Variants in CASKIN1 observed in about 807,000 individuals in gnomAD.
CASKIN1 encodes CASK interacting protein 1.
Under a neutral mutation model 117.5 loss-of-function variants are expected in CASKIN1, and 42 were observed. The observed-to-expected ratio is 0.36, with a 90% CI of 0.28 to 0.46. The LOEUF is 0.46. Ranked by LOEUF, CASKIN1 falls within the 20% of genes least tolerant of loss-of-function variation. The probability of loss-of-function intolerance (pLI) is 1.00; values close to 1 mark genes in which losing one functional copy is unlikely to be tolerated. For synonymous variants in CASKIN1, 1,148 were observed against 961.7 expected (o/e 1.19, Z -3.59); for missense variants, 2,083 against 2,077.3 (o/e 1.00, Z -0.05).
chr16:2,181,085 G>T lies in CASKIN1; in HGVS notation c.2283C>A (p.Gly761=), dbSNP rs917028847. The T allele has an allele frequency of 3.4e-6, 5 of 1,482,304 alleles. No homozygotes were observed. Among genetic ancestry groups the T allele is most frequent in the Admixed American group, 2.6e-5 (1 of 38,180 alleles). The allele number at this position is 1,482,304 out of a possible 1,614,324, so 91.8% of individuals were successfully genotyped here. A position where few individuals can be genotyped will look rare whatever the true frequency, so the allele number is the denominator to read the frequency against. ...CTGGTGGGAGGACCTGCCGTGGCTT[G>T]CCAGGCACGGGGGGCACGCTGGCCC... is the stretch of plus-strand genomic sequence containing the variant. ...IKRASVPPVP[G]KPRQVLPPGT... is the part of the protein sequence containing the mutation. Residue 761 remains glycine (G), a synonymous_variant, in exon 18 of 20, where the codon GGC becomes GGA. Coordinates refer to ENST00000343516, the MANE Select transcript of CASKIN1 (RefSeq NM_020764.4).
intron 6 of CASKIN1, among the ~76,000 whole-genome samples, chr16:2,188,047 C>CTT (rs34355622): frequency 1.2e-3 from 165 of 135,890 alleles, no homozygotes; most frequent in East Asian, 1.5e-3. Context: ...CCATTCCCAG[C>CTT]TTTTTTTTTT....
chr16:2,191,486 GT>G (rs1466669837), intron 1 of CASKIN1, among the ~76,000 whole-genome samples: 1 of 152,218 alleles, frequency 6.6e-6, no homozygotes, highest in Non-Finnish European at 1.5e-5. Context: ...GGAGCCGGGG[GT>G]GCTAACAGGG....
At chr16:2,178,790 C>G in intron 19 of CASKIN1, 112 bp downstream of exon 19, 1 of 1,199,046 alleles carries the variant, frequency 8.3e-7, no homozygotes, top group Non-Finnish European at 1.0e-6. Flanking sequence ...CACGGCACGC[C>G]CATCTCTGCC....
chr16:2,178,632 T>C lies in CASKIN1; in HGVS notation c.4214A>G (p.Glu1405Gly), dbSNP rs763294179. Residue 1405 changes from glutamate (E) to glycine (G), a missense_variant, in exon 20 of 20, where the codon GAA becomes GGA. Physicochemically the swap from Glu to Gly is moderately conservative, Grantham distance 98 (BLOSUM62 -2). Transcript: ENST00000343516. ...DAQGPRDSAAEKSTGSILDDI... is the reference protein window; with the variant it reads ...DAQGPRDSAAGKSTGSILDDI... ...GTCCAGGATGCTGCCAGTGCTCTTT[T>C]CCGCCGCCGAGTCGCTGCGGGGCGC... 2.5e-6 allele frequency: 4 copies of C among 1,591,226 alleles called. No homozygotes were observed. The highest frequency in any genetic ancestry group is 3.4e-6 in the Non-Finnish European group (4 of 1,174,240).
rs763188254 is a variant in CASKIN1, at chr16:2,180,933, G to C, written c.2435C>G (p.Pro812Arg). The C allele has an allele frequency of 6.8e-7, 1 of 1,461,384 alleles. No homozygotes were observed. The highest frequency in any genetic ancestry group is 2.6e-5 in the East Asian group (1 of 38,658). 90.5% of individuals were successfully genotyped at this position (1,461,384 alleles called of 1,614,324 possible). Residue 812 changes from proline (P) to arginine (R), a missense_variant, in exon 18 of 20, where the codon CCG becomes CGG. By Grantham distance (103) the Pro-to-Arg change is moderately radical (BLOSUM62 -2). This residue lies in a region of CASKIN1 where 1,818 missense variants were observed against 1,688.9 expected (regional missense o/e 1.08). Transcript: ENST00000343516. ...GGGTGACATGGGGCGCTCTGTCGGC[G>C]GCAGCAGCTGCGGGGTGGGCTTCAC... ...AKVKPTPQLL[P>R]PTERPMSPRS...
chr16:2,180,353 C>T lies in CASKIN1; in HGVS notation c.3015G>A (p.Ala1005=), dbSNP rs780644400. 59 of 1,596,616 alleles carry T rather than the reference C, an allele frequency of 3.7e-5. No homozygotes were observed. The highest frequency in any genetic ancestry group is 4.4e-5 in the South Asian group (4 of 90,166). The change falls in exon 18 of 20, where the codon GCG becomes GCA. Residue 1005 remains alanine, a synonymous_variant. Coordinates refer to ENST00000343516, the MANE Select transcript of CASKIN1 (RefSeq NM_020764.4). Reference sequence around the variant, plus strand: ...CAATGGAGGACAGCTCCAGCATGGCCGCGATGCTCTTCACACTGCCGGCAC... The same window carrying T: ...CAATGGAGGACAGCTCCAGCATGGCTGCGATGCTCTTCACACTGCCGGCAC... ...TGSAGSVKSI[A]AMLELSSIGG...
Position 2,181,744 on chromosome 16 carries a change from T to G in CASKIN1, c.1768+47A>C, listed in dbSNP as rs766072390. The G allele has an allele frequency of 3.2e-6, 5 of 1,571,782 alleles. No homozygotes were observed. The South Asian group carries it at 4.5e-5, about 14-fold the overall frequency. On this transcript the variant is annotated intron_variant, in intron 17 of 19. Coordinates refer to ENST00000343516, the MANE Select transcript of CASKIN1 (RefSeq NM_020764.4). Reference sequence around the variant, plus strand: ...GGGCTGGTGGCTGGTGGCTGGGGCTTGGGCTGAGGGTTGGGCTGGGGACGA... The same window carrying G: ...GGGCTGGTGGCTGGTGGCTGGGGCTGGGGCTGAGGGTTGGGCTGGGGACGA...
At position 2,180,096 on chromosome 16, in the gene CASKIN1, A is replaced by G. The variant is rs1316156555; in HGVS notation, c.3272T>C (p.Val1091Ala). ...CCGCTGCCGGCCAGTGCCATCCTCC[A>G]CAAAGGGGCCTGGGTCTGCCGACTC... ...PGESADPGPF[V>A]EDGTGRQRPR... Residue 1091 changes from valine (V) to alanine (A), a missense_variant, in exon 18 of 20, where the codon GTG becomes GCG. By Grantham distance (64) the Val-to-Ala change is moderately conservative. Coordinates refer to ENST00000343516, the MANE Select transcript of CASKIN1 (RefSeq NM_020764.4). 2 of 1,561,798 alleles carry G rather than the reference A, an allele frequency of 1.3e-6. No homozygotes were observed. Among genetic ancestry groups the G allele is most frequent in the African/African-American group, 2.7e-5 (2 of 73,314 alleles).
At chr16:2,181,649 A>C in intron 17 of CASKIN1, 50 bp from the exon 18 acceptor site, 1 of 201,792 alleles carries the variant, frequency 5.0e-6, no homozygotes, top group Non-Finnish European at 7.6e-6. Context: ...GCGGAGGGGC[A>C]GGGGCCGGGC....
In CASKIN1 at chr16:2,180,499, G is replaced by T; in HGVS notation, c.2869C>A (p.Leu957Met). 1 of 1,549,750 alleles carries T rather than the reference G, an allele frequency of 6.5e-7. No individual in the cohort carries two copies. The highest frequency in any genetic ancestry group is 8.7e-7 in the Non-Finnish European group (1 of 1,153,820). ...PPPPKRSSSA[L>M]ASANLADEPV... Reference sequence around the variant, plus strand: ...TCATCCGCCAGGTTGGCACTAGCCAGGGCCGAGCTGGAGCGCTTGGGTGGG... The same window carrying T: ...TCATCCGCCAGGTTGGCACTAGCCATGGCCGAGCTGGAGCGCTTGGGTGGG... Residue 957 changes from leucine to methionine, a missense_variant, in exon 18 of 20, where the codon CTG becomes ATG. Leu to Met is a conservative substitution (Grantham distance 15). Around this residue, in one of 3 missense-constraint regions of CASKIN1, gnomAD observed 1,818 missense variants for 1,688.9 expected, o/e 1.08. Transcript: ENST00000343516.
chr16:2,183,969 G>C (rs1377160614), intron 14 of CASKIN1, 28 bp from the exon 15 acceptor site: 4 of 1,501,454 alleles, frequency 2.7e-6, no homozygotes, highest in Non-Finnish European at 3.6e-6. Context: ...CCCACTGCAG[G>C]CTCGCCTGCC....
Position 2,185,402 on chromosome 16 carries a change from C to G in CASKIN1, c.1055G>C (p.Arg352Pro), listed in dbSNP as rs780369604. 6.2e-7 allele frequency: 1 copy of G among 1,604,678 alleles called. No individual in the cohort carries two copies. Among genetic ancestry groups the G allele is most frequent in the Non-Finnish European group, 8.5e-7 (1 of 1,174,734 alleles). ...GGGCAGGCTTGGTTCAGTGCCTGCT[C>G]GGGAACCTGTGGGTCAAGCAAAGCC... is the stretch of plus-strand genomic sequence containing the variant. Reference protein sequence around the residue: ...GEAIVKRAGSRAGTEPSLPQG... With the variant: ...GEAIVKRAGSPAGTEPSLPQG... The change falls in exon 11 of 20, where the codon CGA becomes CCA. Residue 352 changes from arginine (R) to proline (P), a missense_variant. By Grantham distance (103) the Arg-to-Pro change is moderately radical. Coordinates refer to ENST00000343516, the MANE Select transcript of CASKIN1 (RefSeq NM_020764.4).
intron 1 of CASKIN1, among the ~76,000 whole-genome samples, chr16:2,190,696 T>G (rs2093199180): frequency 6.6e-6 from 1 of 152,076 alleles, no homozygotes; most frequent in African/African-American, 2.4e-5. Context: ...CACCCCTCCC[T>G]CGGGACACTG....
At position 2,180,773 on chromosome 16, in the gene CASKIN1, C is replaced by T; in HGVS notation, c.2595G>A (p.Leu865=). ...PVPTAVPTLC[L]PPEADAEPGR... is the part of the protein sequence containing the mutation. ...CCGGCTCCGCGTCGGCCTCAGGGGGCAGGCACAGTGTGGGCACAGCCGTCG... is the reference window on the plus strand; with the variant it reads ...CCGGCTCCGCGTCGGCCTCAGGGGGTAGGCACAGTGTGGGCACAGCCGTCG... The change falls in exon 18 of 20, where the codon CTG becomes CTA. Residue 865 remains leucine (L), a synonymous_variant. Coordinates refer to ENST00000343516, the MANE Select transcript of CASKIN1 (RefSeq NM_020764.4). 1.4e-6 allele frequency: 2 copies of T among 1,430,116 alleles called. No homozygotes were observed. Among genetic ancestry groups the T allele is most frequent in the Non-Finnish European group, 1.8e-6 (2 of 1,100,350 alleles). 88.6% of individuals were successfully genotyped at this position (1,430,116 alleles called of 1,614,324 possible). A position where few individuals can be genotyped will look rare whatever the true frequency, so the allele number is the denominator to read the frequency against.
In CASKIN1 at chr16:2,182,483, G is replaced by A. The variant is rs2093171108; in HGVS notation, c.1630-554C>T. Among the ~76,000 whole-genome samples the A allele has an allele frequency of 6.6e-6, 1 of 151,878 alleles. No individual in the cohort carries two copies. The highest frequency in any genetic ancestry group is 2.1e-4 in the South Asian group (1 of 4,784). On this transcript the variant is annotated intron_variant, in intron 16 of 19. Transcript: ENST00000343516. The surrounding 1 kb of genome is among the most constrained non-coding windows in gnomAD (Gnocchi z 4.1). ...CCGATCACTCCCCGAGCGGCATTCA[G>A]GCGTCCACACTTCCAGCTGGAATTC...
At chr16:2,193,778 T>C (rs1169778838) in intron 1 of CASKIN1, among the ~76,000 whole-genome samples, 2 of 152,178 alleles carry the variant, frequency 1.3e-5, no homozygotes, top group Non-Finnish European at 2.9e-5. Context: ...TATGGTCTCC[T>C]CAAGGGGGAA....
chr16:2,178,098 A>G lies in CASKIN1; in HGVS notation c.*452T>C, dbSNP rs527653004. 2.0e-6 allele frequency: 1 copy of G among 503,570 alleles called. No homozygotes were observed. The highest frequency in any genetic ancestry group is 3.8e-6 in the Non-Finnish European group (1 of 260,226). 31.2% of individuals were successfully genotyped at this position (503,570 alleles called of 1,614,324 possible). ...TCTCTGGGGAAATCCGCCTCAGCTCATTCCCAATAAATTAATACTCTTGAT... is the reference window on the plus strand; with the variant it reads ...TCTCTGGGGAAATCCGCCTCAGCTCGTTCCCAATAAATTAATACTCTTGAT... On this transcript the variant is annotated 3_prime_UTR_variant, in exon 20 of 20. Transcript: ENST00000343516.
Position 2,189,091 on chromosome 16 carries a change from T to C in CASKIN1, c.553A>G (p.Thr185Ala). Reference protein sequence around the residue: ...ALLEPRPGDATDPNGTSPLHL... With the variant: ...ALLEPRPGDAADPNGTSPLHL... Reference sequence around the variant, plus strand: ...AAAGGGCTGGTGCCGTTGGGGTCGGTGGCGTCTCCCGGCCGGGGCTCCAGC... The same window carrying C: ...AAAGGGCTGGTGCCGTTGGGGTCGGCGGCGTCTCCCGGCCGGGGCTCCAGC... The change falls in exon 6 of 20, where the codon ACC becomes GCC. Residue 185 changes from threonine (T) to alanine (A), a missense_variant. Thr to Ala is a moderately conservative substitution (Grantham distance 58, BLOSUM62 0). Coordinates refer to ENST00000343516, the MANE Select transcript of CASKIN1 (RefSeq NM_020764.4). 2 of 1,613,542 alleles carry C rather than the reference T, an allele frequency of 1.2e-6. No homozygotes were observed. The highest frequency in any genetic ancestry group is 1.7e-6 in the Non-Finnish European group (2 of 1,179,780).
In CASKIN1 at chr16:2,181,430, G is replaced by A. The variant is rs766509114; in HGVS notation, c.1938C>T (p.Ser646=). The change falls in exon 18 of 20, where the codon TCC becomes TCT. Residue 646 remains serine, a synonymous_variant. Transcript: ENST00000343516. ...PPEPTPADCQ[S]PKMTTFQDSE... is the part of the protein sequence containing the mutation. ...TGTCCTGGAAGGTGGTCATTTTAGG[G>A]GACTGGCAGTCGGCCGGTGTGGGCT... is the stretch of plus-strand genomic sequence containing the variant. 1.2e-6 allele frequency: 2 copies of A among 1,612,268 alleles called. No individual in the cohort carries two copies. The highest frequency in any genetic ancestry group is 1.7e-6 in the Non-Finnish European group (2 of 1,179,834).
Sources: gnomAD v4.1 joint callset for allele counts (sites outside exome capture counted in the v4.1 genomes callset) on GRCh38, gnomAD v4.1.1 for gene constraint, gnomAD v4.1.1 regional missense constraint, Gnocchi (gnomAD v3.1) non-coding constraint, MANE v1.5 for transcripts, NCBI Gene and HGNC (gene_info 2026-07-23, HGNC 2026-07-21) for gene names.